FOXJ3: variants seen among roughly 807,000 people sequenced by gnomAD.
FOXJ3 encodes the protein forkhead box protein J3.
FOXJ3 carries 22 observed loss-of-function variants against 76.1 expected under a neutral mutation model. The ratio of observed to expected loss-of-function variants is 0.29; its 90% CI spans 0.21 to 0.41. The LOEUF is 0.41. Ranked by LOEUF, FOXJ3 falls within the 10% of genes least tolerant of loss-of-function variation. The pLI is 1.00. For synonymous variants in FOXJ3, 269 were observed against 261.2 expected (o/e 1.03, Z -0.29); for missense variants, 613 against 762.1 (o/e 0.80, Z 2.30).
At chr1:42,252,419 TTG>T (rs1253164811) in intron 4 of FOXJ3, among the ~76,000 whole-genome samples, 4 of 152,152 alleles carry the variant, frequency 2.6e-5, no homozygotes, top group African/African-American at 7.2e-5. Context: ...GTAGAGGTGT[TTG>T]TAGTATTCTC....
intron 1 of FOXJ3, among the ~76,000 whole-genome samples, chr1:42,324,290 A>C (rs1173756998): frequency 7.0e-6 from 1 of 143,664 alleles, no homozygotes; most frequent in Non-Finnish European, 1.5e-5. Flanking sequence ...TATTATACAC[A>C]TATATTATAT....
At chr1:42,251,847 T>C (rs1275312280) in intron 4 of FOXJ3, among the ~76,000 whole-genome samples, 1 of 151,496 alleles carries the variant, frequency 6.6e-6, no homozygotes, top group Non-Finnish European at 1.5e-5. Flanking sequence ...GCCTCCCCTG[T>C]AGCTGGGACT....
intron 5 of FOXJ3, among the ~76,000 whole-genome samples, chr1:42,219,268 T>C (rs559100889): frequency 6.6e-6 from 1 of 152,362 alleles, no homozygotes; most frequent in East Asian, 1.9e-4. Context: ...GTCCATCATA[T>C]CCACTTTGTA....
intron 4 of FOXJ3, among the ~76,000 whole-genome samples, chr1:42,244,592 CT>C (rs1178354569): frequency 1.3e-5 from 2 of 151,646 alleles, no homozygotes; most frequent in Non-Finnish European, 2.9e-5. Context: ...AAACTGTCAA[CT>C]AAAAGTTGGT....
intron 5 of FOXJ3, 47 bp from the exon 6 acceptor site, chr1:42,205,910 C>A: frequency 9.2e-7 from 1 of 1,089,684 alleles, no homozygotes; most frequent in Admixed American, 1.9e-5. Context: ...ATATATCCAG[C>A]AACTTTAACA....
chr1:42,186,461 T>C (rs181660996), intron 11 of FOXJ3, among the ~76,000 whole-genome samples: 10 of 152,126 alleles, frequency 6.6e-5, no homozygotes, highest in Non-Finnish European at 1.0e-4. Context: ...GTGACTAGGG[T>C]AGCACTGAGA....
chr1:42,296,992 T>C (rs923485358), intron 2 of FOXJ3, among the ~76,000 whole-genome samples: 1 of 152,214 alleles, frequency 6.6e-6, no homozygotes, highest in Non-Finnish European at 1.5e-5. Flanking sequence ...TGGTGTTATA[T>C]AGTTCTCCTC....
chr1:42,270,279 T>C (rs1651773608), intron 3 of FOXJ3, among the ~76,000 whole-genome samples: 1 of 152,222 alleles, frequency 6.6e-6, no homozygotes, highest in Admixed American at 6.5e-5. Context: ...TGTAATAAAC[T>C]TCGTCATCCT....
chr1:42,290,209 T>C (rs1446545481), intron 2 of FOXJ3, among the ~76,000 whole-genome samples: 1 of 152,068 alleles, frequency 6.6e-6, no homozygotes, highest in African/African-American at 2.4e-5. Context: ...ACCAGTCAAT[T>C]CATTGGAGGA....
At chr1:42,248,130 T>C (rs1649690425) in intron 4 of FOXJ3, among the ~76,000 whole-genome samples, 1 of 152,232 alleles carries the variant, frequency 6.6e-6, no homozygotes, top group African/African-American at 2.4e-5. Context: ...GAGAGACTGT[T>C]AATGGATAGG....
intron 2 of FOXJ3, among the ~76,000 whole-genome samples, chr1:42,284,179 T>C (rs748048032): frequency 1.3e-5 from 2 of 152,194 alleles, no homozygotes; most frequent in Admixed American, 1.3e-4. Flanking sequence ...ATTTAGGACA[T>C]GGCAGTGTGG....
At chr1:42,303,170 AT>A (rs2124737766) in intron 2 of FOXJ3, among the ~76,000 whole-genome samples, 1 of 152,354 alleles carries the variant, frequency 6.6e-6, no homozygotes, top group African/African-American at 2.4e-5. Flanking sequence ...GTAGAGTTAA[AT>A]GGTTAAAGCA....
At chr1:42,276,544 T>C (rs1485583730) in intron 3 of FOXJ3, among the ~76,000 whole-genome samples, 1 of 152,146 alleles carries the variant, frequency 6.6e-6, no homozygotes, top group African/African-American at 2.4e-5. Flanking sequence ...GTATAGCACG[T>C]CTTCAAATAA....
intron 2 of FOXJ3, among the ~76,000 whole-genome samples, chr1:42,280,782 A>G (rs1652651796): frequency 6.6e-6 from 1 of 152,218 alleles, no homozygotes; most frequent in Non-Finnish European, 1.5e-5. Context: ...TCACTGATGT[A>G]AAGTATTCAG....
intron 10 of FOXJ3, 104 bp downstream of exon 10, chr1:42,189,199 G>T: frequency 1.3e-6 from 1 of 790,752 alleles, no homozygotes; most frequent in Non-Finnish European, 2.0e-6. Context: ...CAAAAGAAAT[G>T]CTATATAAGA....
rs1483078120 is a variant in FOXJ3, at chr1:42,189,104, T to C, written c.1454-176A>G. 11 of 617,786 alleles carry C rather than the reference T, an allele frequency of 1.8e-5. No homozygotes were observed. The East Asian group carries it at 2.8e-4, about 16-fold the overall frequency. The allele number at this position is 617,786 out of a possible 1,614,324, so 38.3% of individuals were successfully genotyped here. A position where few individuals can be genotyped will look rare whatever the true frequency, so the allele number is the denominator to read the frequency against. On this transcript the variant is annotated intron_variant, in intron 10 of 12. Transcript: ENST00000361346. The stretch of plus-strand genomic sequence containing the variant: ...TAAATTATTCAAAGCCCAATTATTT[T>C]AAATGTGGTCAAATTTCTTTCAGAA...
At chr1:42,200,628 G>T (rs895108198) in intron 6 of FOXJ3, among the ~76,000 whole-genome samples, 1 of 151,932 alleles carries the variant, frequency 6.6e-6, no homozygotes, top group Non-Finnish European at 1.5e-5. Flanking sequence ...ACAGATGCGC[G>T]CCACCATACC....
intron 5 of FOXJ3, among the ~76,000 whole-genome samples, chr1:42,219,120 C>G (rs1647129199): frequency 6.6e-6 from 1 of 152,160 alleles, no homozygotes; most frequent in African/African-American, 2.4e-5. Flanking sequence ...TTCCTGTGAT[C>G]AACTATGGTC....
intron 4 of FOXJ3, among the ~76,000 whole-genome samples, chr1:42,252,820 A>G (rs1419673879): frequency 4.6e-5 from 7 of 152,070 alleles, no homozygotes; most frequent in Non-Finnish European, 8.8e-5. Context: ...TCTCAAAATA[A>G]TAAGAGCTGT....
Sources: gnomAD v4.1 joint callset for allele counts (sites outside exome capture counted in the v4.1 genomes callset) on GRCh38, gnomAD v4.1.1 for gene constraint, MANE v1.5 for transcripts, NCBI Gene and HGNC (gene_info 2026-07-23, HGNC 2026-07-21) for gene names.